The following ATP8B4 variants were observed in gnomAD, a reference collection of about 807,000 sequenced individuals.
The protein encoded by ATP8B4 is probable phospholipid-transporting ATPase IM.
Under a neutral mutation model 145.6 loss-of-function variants are expected in ATP8B4, and 133 were observed. The observed-to-expected ratio is 0.91, with a 90% CI of 0.79 to 1.05. ATP8B4 has a LOEUF of 1.05. ATP8B4 is among the 50% of genes least tolerant of loss of function. ATP8B4 has a pLI of 0.00. For synonymous variants in ATP8B4, 507 were observed against 492.9 expected, an observed-to-expected ratio of 1.03 and a Z score of -0.38; for missense variants, 1,458 against 1,425.2, an observed-to-expected ratio of 1.02 and a Z score of -0.37.
chr15:50,075,356 A>T (rs1035139584), intron 2 of ATP8B4, among the ~76,000 whole-genome samples: 2 of 152,078 alleles, frequency 1.3e-5, no homozygotes, highest in African/African-American at 2.4e-5. Flanking sequence ...GTAAGAACAA[A>T]TTTTTTCCAA....
At chr15:50,112,382 C>T (rs2056988607) in intron 1 of ATP8B4, among the ~76,000 whole-genome samples, 1 of 152,004 alleles carries the variant, frequency 6.6e-6, no homozygotes, top group Non-Finnish European at 1.5e-5. Flanking sequence ...TCTTCTACTT[C>T]CTTTGGGTGT....
chr15:49,891,096 C>A (rs1455466344), intron 23 of ATP8B4, among the ~76,000 whole-genome samples: 3 of 151,986 alleles, frequency 2.0e-5, no homozygotes, highest in Admixed American at 2.0e-4. Context: ...GAGGGATGTC[C>A]TCCTTTTACT....
intron 6 of ATP8B4, among the ~76,000 whole-genome samples, chr15:50,031,001 G>C (rs1283058153): frequency 6.6e-6 from 1 of 152,208 alleles, no homozygotes. Flanking sequence ...CTGCAAAGCT[G>C]AGAACCAGAA....
At position 49,866,498 on chromosome 15, in the gene ATP8B4, C is replaced by A. The variant is rs11630021; in HGVS notation, c.3028-14G>T. The A allele has an allele frequency of 0.26, 423,950 of 1,610,464 alleles. 58,552 individuals are homozygous for A. The highest frequency in any genetic ancestry group is 0.3 in the Middle Eastern group (1,821 of 6,052). The stretch of plus-strand genomic sequence containing the variant: ...ATCCAAGGCTATCTGTAAATAAAAT[C>A]AAATGCAAACGGGAGGTCTTTGAGG... On this transcript the variant is annotated splice_polypyrimidine_tract_variant and intron_variant, in intron 25 of 27. Coordinates refer to ENST00000284509, the MANE Select transcript of ATP8B4 (RefSeq NM_024837.4).
chr15:49,949,497 G>A (rs1018638914), intron 14 of ATP8B4, among the ~76,000 whole-genome samples: 1 of 152,102 alleles, frequency 6.6e-6, no homozygotes, highest in Non-Finnish European at 1.5e-5. Context: ...AGGAATGTTT[G>A]TGATTTCTGC....
At chr15:50,019,357 G>A (rs190754554) in intron 6 of ATP8B4, among the ~76,000 whole-genome samples, 3 of 152,240 alleles carry the variant, frequency 2.0e-5, no homozygotes, top group East Asian at 1.9e-4. Context: ...TACCAAAACC[G>A]GCTCTTATCA....
At chr15:50,137,368 GA>G (rs1454389944) in intron 1 of ATP8B4, among the ~76,000 whole-genome samples, 2 of 152,052 alleles carry the variant, frequency 1.3e-5, no homozygotes, top group African/African-American at 4.8e-5. Context: ...AGGCTCTTCA[GA>G]GGGTTAGCAG....
intron 3 of ATP8B4, among the ~76,000 whole-genome samples, chr15:50,057,170 A>G (rs1323128855): frequency 1.3e-5 from 2 of 152,222 alleles, no homozygotes; most frequent in South Asian, 2.1e-4. Context: ...TGGAGAACAT[A>G]TAACTTTCTA....
chr15:50,071,529 T>C (rs1281462067), intron 3 of ATP8B4, among the ~76,000 whole-genome samples: 3 of 152,202 alleles, frequency 2.0e-5, no homozygotes, highest in Non-Finnish European at 4.4e-5. Flanking sequence ...AGATTAGTTA[T>C]TGCTGGGTAT....
intron 6 of ATP8B4, among the ~76,000 whole-genome samples, chr15:50,023,383 C>G (rs2049741124): frequency 6.6e-6 from 1 of 152,140 alleles, no homozygotes; most frequent in Non-Finnish European, 1.5e-5. Context: ...TTGACATTAT[C>G]AGTACCAGAT....
intron 14 of ATP8B4, among the ~76,000 whole-genome samples, chr15:49,956,331 C>G (rs2043558343): frequency 6.6e-6 from 1 of 152,104 alleles, no homozygotes; most frequent in African/African-American, 2.4e-5. Flanking sequence ...TATTTAATCA[C>G]AGACTGTTTT....
intron 2 of ATP8B4, among the ~76,000 whole-genome samples, chr15:50,083,782 T>A (rs988309834): frequency 1.3e-5 from 2 of 152,212 alleles, no homozygotes; most frequent in African/African-American, 2.4e-5. Flanking sequence ...GGCAATTAAT[T>A]TACTAGAGCC....
intron 24 of ATP8B4, among the ~76,000 whole-genome samples, chr15:49,876,941 G>C (rs1215347495): frequency 6.6e-6 from 1 of 152,202 alleles, no homozygotes; most frequent in Non-Finnish European, 1.5e-5. Context: ...GAGTGGTAGT[G>C]ACCAGGAGAT....
intron 6 of ATP8B4, among the ~76,000 whole-genome samples, chr15:50,033,338 G>A (rs1212840823): frequency 6.6e-6 from 1 of 152,166 alleles, no homozygotes; most frequent in Non-Finnish European, 1.5e-5. Flanking sequence ...ACTAAATGAA[G>A]GGTAATTGCA....
intron 23 of ATP8B4, among the ~76,000 whole-genome samples, chr15:49,890,942 G>A (rs1244654582): frequency 6.6e-6 from 1 of 152,146 alleles, no homozygotes; most frequent in Non-Finnish European, 1.5e-5. Flanking sequence ...CAGGCTTCTT[G>A]CTATAGACAA....
At chr15:49,988,625 G>A (rs1053177686) in intron 9 of ATP8B4, among the ~76,000 whole-genome samples, 1 of 152,066 alleles carries the variant, frequency 6.6e-6, no homozygotes, top group African/African-American at 2.4e-5. Flanking sequence ...GAGCAAGTTG[G>A]AACATAAAAC....
intron 6 of ATP8B4, among the ~76,000 whole-genome samples, chr15:50,012,498 G>T (rs1039898713): frequency 2.0e-5 from 3 of 152,098 alleles, no homozygotes; most frequent in East Asian, 1.9e-4. Context: ...GGATGTTGAC[G>T]CCGAGCCTAG....
intron 3 of ATP8B4, among the ~76,000 whole-genome samples, chr15:50,068,292 G>A (rs1330102563): frequency 2.0e-5 from 3 of 152,186 alleles, no homozygotes; most frequent in Non-Finnish European, 2.9e-5. Context: ...ACTGACTGCT[G>A]GGGGTTGGAG....
At chr15:49,999,273 C>G in intron 8 of ATP8B4, among the ~76,000 whole-genome samples, 1 of 150,878 alleles carries the variant, frequency 6.6e-6, no homozygotes, top group Non-Finnish European at 1.5e-5. Context: ...TCTCAGTAAA[C>G]TATCGCAAGA....
Sources: allele counts gnomAD v4.1 joint callset (sites outside exome capture counted in the v4.1 genomes callset), GRCh38; gene constraint gnomAD v4.1.1; transcripts MANE v1.5; gene names NCBI Gene and HGNC (gene_info 2026-07-23, HGNC 2026-07-21).